Variants in PRKCB observed in about 807,000 individuals in gnomAD.
PRKCB encodes the protein protein kinase C beta.
PRKCB carries 13 observed loss-of-function variants against 81.5 expected under a neutral mutation model. The ratio of observed to expected loss-of-function variants is 0.16; its 90% confidence interval spans 0.10 to 0.25. PRKCB has a LOEUF of 0.25. Ranked by LOEUF, PRKCB falls within the 10% of genes least tolerant of loss-of-function variation. PRKCB has a pLI of 1.00. For synonymous variants in PRKCB, 335 were observed against 321.4 expected, an observed-to-expected ratio of 1.04 and a Z score of -0.45; for missense variants, 509 against 875.7, an observed-to-expected ratio of 0.58 and a Z score of 5.29.
In PRKCB at chr16:23,969,788, C is replaced by T. The variant is rs112673178; in HGVS notation, c.206-18720C>T. On this transcript the variant is annotated intron_variant, in intron 2 of 16. Transcript: ENST00000643927. ...TGGGATGAAGTCCATGCCACCAGGC[C>T]TCTCGGGAACTTCATTGATCATACC... is the stretch of plus-strand genomic sequence containing the variant. 1.6e-3 allele frequency among the ~76,000 whole-genome samples: 236 copies of T among 152,238 alleles called. 1 individual carries two copies. The highest frequency in any genetic ancestry group is 5.3e-3 in the African/African-American group (222 of 41,528).
intron 9 of PRKCB, among the ~76,000 whole-genome samples, chr16:24,145,553 A>G (rs1966976844): frequency 6.6e-6 from 1 of 152,272 alleles, no homozygotes; most frequent in Non-Finnish European, 1.5e-5. Context: ...AACTTAGTAT[A>G]TATTTTGAAT....
At chr16:23,927,026 G>A (rs997636830) in intron 2 of PRKCB, among the ~76,000 whole-genome samples, 8 of 152,176 alleles carry the variant, frequency 5.3e-5, no homozygotes, top group Non-Finnish European at 8.8e-5. Context: ...CACAACAGGC[G>A]TAGCCTCTGC....
At chr16:23,840,121 T>G (rs1408509369) in intron 2 of PRKCB, among the ~76,000 whole-genome samples, 1 of 152,128 alleles carries the variant, frequency 6.6e-6, no homozygotes, top group East Asian at 1.9e-4. Flanking sequence ...AGAGGGAAAT[T>G]TATCCCTGGT....
chr16:24,174,494 C>CTT (rs72154122), intron 11 of PRKCB, 24 bp from the exon 12 acceptor site: 145 of 1,513,540 alleles, frequency 9.6e-5, no homozygotes, highest in South Asian at 1.3e-4. Context: ...TTCTCCATCG[C>CTT]TTTTTTTTTT....
intron 8 of PRKCB, among the ~76,000 whole-genome samples, chr16:24,118,380 C>T (rs1320102670): frequency 1.3e-5 from 2 of 152,224 alleles, no homozygotes; most frequent in East Asian, 3.8e-4. Context: ...TCTCCCCCTT[C>T]GGGATAAATA....
In PRKCB at chr16:24,185,591, G is replaced by A. The variant is rs566505295; in HGVS notation, c.1722+24G>A. 37 of 1,584,284 alleles carry A rather than the reference G, an allele frequency of 2.3e-5. 1 individual carries two copies. In the South Asian group the frequency reaches 4.0e-4, roughly 17 times the overall value. ...GGGTAAGTGCATCTCTTAAAGCTGTGACCAGGACCACCACATAAAGGCATG... is the reference window on the plus strand; with the variant it reads ...GGGTAAGTGCATCTCTTAAAGCTGTAACCAGGACCACCACATAAAGGCATG... On this transcript the variant is annotated intron_variant, in intron 15 of 16. Coordinates refer to ENST00000643927, the MANE Select transcript of PRKCB (RefSeq NM_002738.7).
chr16:23,862,351 G>A (rs1444370765), intron 2 of PRKCB, among the ~76,000 whole-genome samples: 2 of 152,082 alleles, frequency 1.3e-5, no homozygotes, highest in Non-Finnish European at 2.9e-5. Context: ...CAGAATTTGG[G>A]GCTCTTCTCT....
intron 16 of PRKCB, among the ~76,000 whole-genome samples, chr16:24,205,883 T>C (rs1230935499): frequency 6.6e-6 from 1 of 152,184 alleles, no homozygotes; most frequent in Admixed American, 6.5e-5. Context: ...GAACAGGATA[T>C]CTTGACAGAG....
chr16:23,889,171 C>T (rs1045938874), intron 2 of PRKCB, among the ~76,000 whole-genome samples: 1 of 126,290 alleles, frequency 7.9e-6, no homozygotes, highest in Non-Finnish European at 1.7e-5. Context: ...TCCATCCATC[C>T]GTCCATCCAC....
intron 2 of PRKCB, among the ~76,000 whole-genome samples, chr16:23,859,739 T>C (rs145671113): frequency 0.015 from 2,269 of 152,048 alleles, 26 homozygotes; most frequent in Middle Eastern, 0.051. Context: ...CCGGGGATGT[T>C]TAGCTTGAAG....
At chr16:24,023,244 C>T (rs1965429865) in intron 3 of PRKCB, among the ~76,000 whole-genome samples, 2 of 152,220 alleles carry the variant, frequency 1.3e-5, no homozygotes. Context: ...GCGATCAGAA[C>T]CAAACCCCAT....
At chr16:24,135,469 C>A (rs755181263) in intron 9 of PRKCB, among the ~76,000 whole-genome samples, 5 of 151,910 alleles carry the variant, frequency 3.3e-5, no homozygotes, top group East Asian at 3.9e-4. Flanking sequence ...CCTGCCACCA[C>A]GCCCAAGTAA....
At chr16:24,129,242 T>C (rs924447615) in intron 9 of PRKCB, among the ~76,000 whole-genome samples, 2 of 152,188 alleles carry the variant, frequency 1.3e-5, no homozygotes, top group African/African-American at 4.8e-5. Flanking sequence ...TGTTCTCTTA[T>C]ACCCCTGACT....
At chr16:23,913,252 A>G (rs1238770226) in intron 2 of PRKCB, among the ~76,000 whole-genome samples, 2 of 152,048 alleles carry the variant, frequency 1.3e-5, no homozygotes, top group Non-Finnish European at 2.9e-5. Flanking sequence ...AGAGAACACA[A>G]GGGGAGACCC....
Position 23,909,239 on chromosome 16 carries a change from C to T in PRKCB, c.205+71833C>T, listed in dbSNP as rs114576772. ...CCACATTTCACGGAACCAACACCCT[C>T]CTGCTTTTTATCAGTTTTCTTCCAC... On this transcript the variant is annotated intron_variant, in intron 2 of 16. Coordinates refer to ENST00000643927, the MANE Select transcript of PRKCB (RefSeq NM_002738.7). Among the ~76,000 whole-genome samples the T allele has an allele frequency of 5.0e-3, 755 of 152,212 alleles. 9 individuals are homozygous for T. The highest frequency in any genetic ancestry group is 0.017 in the African/African-American group (691 of 41,558).
At chr16:24,193,468 T>TAAATAA (rs56740119) in intron 16 of PRKCB, among the ~76,000 whole-genome samples, 4 of 103,554 alleles carry the variant, frequency 3.9e-5, no homozygotes, top group South Asian at 2.9e-4. Flanking sequence ...AATAAATAAA[T>TAAATAA]AAATAAATAA....
intron 2 of PRKCB, among the ~76,000 whole-genome samples, chr16:23,944,530 G>T: frequency 6.6e-6 from 1 of 152,150 alleles, no homozygotes; most frequent in East Asian, 1.9e-4. Flanking sequence ...CATGGCCCAA[G>T]AATCTAACTC....
intron 2 of PRKCB, among the ~76,000 whole-genome samples, chr16:23,881,679 TA>T (rs1278760382): frequency 6.6e-6 from 1 of 152,234 alleles, no homozygotes; most frequent in African/African-American, 2.4e-5. Context: ...AAAATCATGG[TA>T]AAAAACACAT....
At chr16:24,125,721 A>G (rs1273350318) in intron 9 of PRKCB, among the ~76,000 whole-genome samples, 1 of 152,092 alleles carries the variant, frequency 6.6e-6, no homozygotes, top group Non-Finnish European at 1.5e-5. Flanking sequence ...GAGCCTAGGG[A>G]TGGAATTCAT....
Sources: allele counts gnomAD v4.1 joint callset (sites outside exome capture counted in the v4.1 genomes callset), GRCh38; gene constraint gnomAD v4.1.1; transcripts MANE v1.5; gene names NCBI Gene and HGNC (gene_info 2026-07-23, HGNC 2026-07-21).